The following ST6GALNAC3 variants were observed in gnomAD, a reference collection of about 807,000 sequenced individuals.
ST6GALNAC3 encodes alpha-N-acetylgalactosaminide alpha-2,6-sialyltransferase 3.
A neutral mutation model predicts 32.7 loss-of-function variants in ST6GALNAC3; 25 were observed. That is an observed-to-expected ratio of 0.76 (90% CI 0.56 to 1.07). The LOEUF (loss-of-function observed/expected upper bound fraction) is 1.07, where lower values mean the gene tolerates loss of function less well. Among genes scored for constraint, ST6GALNAC3 ranks in the 50% least tolerant of loss-of-function variants. The pLI, the probability that ST6GALNAC3 is intolerant of heterozygous loss-of-function variation, is 0.00. For synonymous variants in ST6GALNAC3, 129 were observed against 133.1 expected (o/e 0.97, Z 0.21); for missense variants, 355 against 382.4 (o/e 0.93, Z 0.60).
chr1:76,586,250 A>G (rs1318864516), intron 3 of ST6GALNAC3, among the ~76,000 whole-genome samples: 1 of 152,222 alleles, frequency 6.6e-6, no homozygotes, highest in Non-Finnish European at 1.5e-5. Flanking sequence ...TTGAAATTTA[A>G]TTACTGTGAT....
At chr1:76,496,986 A>G (rs1243310915) in intron 3 of ST6GALNAC3, among the ~76,000 whole-genome samples, 1 of 152,108 alleles carries the variant, frequency 6.6e-6, no homozygotes, top group Non-Finnish European at 1.5e-5. Context: ...GAAAGTTGAA[A>G]ATTTTGGTAT....
chr1:76,603,661 G>T (rs149834423), intron 3 of ST6GALNAC3, among the ~76,000 whole-genome samples: 4 of 152,136 alleles, frequency 2.6e-5, no homozygotes, highest in African/African-American at 9.7e-5. Flanking sequence ...TGCTCTGTCT[G>T]TTTTATTTAC....
intron 1 of ST6GALNAC3, among the ~76,000 whole-genome samples, chr1:76,158,071 A>C (rs987922057): frequency 6.6e-6 from 1 of 152,226 alleles, no homozygotes; most frequent in Non-Finnish European, 1.5e-5. Context: ...CCAGGAAGCC[A>C]TCTGATAAAT....
intron 2 of ST6GALNAC3, among the ~76,000 whole-genome samples, chr1:76,370,715 A>G (rs1329404709): frequency 6.6e-6 from 1 of 152,198 alleles, no homozygotes; most frequent in Non-Finnish European, 1.5e-5. Context: ...AATGTTTTAC[A>G]TAGAGAAACT....
intron 1 of ST6GALNAC3, among the ~76,000 whole-genome samples, chr1:76,276,735 A>G (rs1349872365): frequency 6.6e-6 from 1 of 152,172 alleles, no homozygotes; most frequent in East Asian, 1.9e-4. Context: ...GTTACTATAT[A>G]ATGCAAAATT....
intron 3 of ST6GALNAC3, among the ~76,000 whole-genome samples, chr1:76,427,076 T>A (rs1290486359): frequency 6.6e-6 from 1 of 152,116 alleles, no homozygotes; most frequent in African/African-American, 2.4e-5. Context: ...GAATCTCTGT[T>A]GCCAACTTCA....
intron 3 of ST6GALNAC3, among the ~76,000 whole-genome samples, chr1:76,435,674 T>A (rs1656089898): frequency 6.6e-6 from 1 of 152,112 alleles, no homozygotes; most frequent in African/African-American, 2.4e-5. Context: ...GTTTCTTTTT[T>A]CTTTCTGAAA....
At position 76,514,663 on chromosome 1, in the gene ST6GALNAC3, C is replaced by T. The variant is rs531222122; in HGVS notation, c.623+102246C>T. On this transcript the variant is annotated intron_variant, in intron 3 of 4. Coordinates refer to ENST00000328299, the MANE Select transcript of ST6GALNAC3 (RefSeq NM_152996.4). Reference sequence around the variant, plus strand: ...TTTGACTTTCCCTGCCATGTTGTGACGCAGCAAAAGCCCTTGCAAAAGCCA... The same window carrying T: ...TTTGACTTTCCCTGCCATGTTGTGATGCAGCAAAAGCCCTTGCAAAAGCCA... Among the ~76,000 whole-genome samples the T allele has an allele frequency of 1.2e-4, 18 of 152,262 alleles. No homozygotes were observed. The South Asian group carries it at 2.1e-3, about 18-fold the overall frequency.
chr1:76,542,881 A>G (rs1664075726), intron 3 of ST6GALNAC3, among the ~76,000 whole-genome samples: 1 of 152,146 alleles, frequency 6.6e-6, no homozygotes, highest in Non-Finnish European at 1.5e-5. Context: ...GAATGAGAGG[A>G]ATTGCTACCT....
chr1:76,299,276 T>C (rs750105504), intron 1 of ST6GALNAC3, among the ~76,000 whole-genome samples: 2 of 152,046 alleles, frequency 1.3e-5, no homozygotes, highest in Admixed American at 6.6e-5. Flanking sequence ...TTAAAGCAGA[T>C]GAACTGGGAA....
chr1:76,220,561 C>G (rs781163814), intron 1 of ST6GALNAC3, among the ~76,000 whole-genome samples: 3 of 152,150 alleles, frequency 2.0e-5, no homozygotes, highest in Non-Finnish European at 2.9e-5. Flanking sequence ...AACAAATAAT[C>G]AGGCCATTAT....
intron 1 of ST6GALNAC3, among the ~76,000 whole-genome samples, chr1:76,260,142 C>G (rs1658144007): frequency 2.0e-5 from 3 of 152,094 alleles, no homozygotes; most frequent in Non-Finnish European, 4.4e-5. Flanking sequence ...GGGGACCACT[C>G]TTCACATTTG....
chr1:76,512,776 A>G (rs72989926), intron 3 of ST6GALNAC3, among the ~76,000 whole-genome samples: 12,716 of 152,044 alleles, frequency 0.084, 1,490 homozygotes, highest in African/African-American at 0.26. Flanking sequence ...TGCTTCTATT[A>G]TATCAACTCT....
chr1:76,610,822 A>G (rs551121702), intron 3 of ST6GALNAC3, among the ~76,000 whole-genome samples: 52 of 152,288 alleles, frequency 3.4e-4, no homozygotes, highest in African/African-American at 1.2e-3. Context: ...GAAAACACAT[A>G]AAAATGGATA....
chr1:76,355,379 A>G (rs1570942148), intron 2 of ST6GALNAC3, among the ~76,000 whole-genome samples: 1 of 152,080 alleles, frequency 6.6e-6, no homozygotes, highest in Non-Finnish European at 1.5e-5. Flanking sequence ...TCTTTTTCTG[A>G]TATACTATCT....
At chr1:76,197,399 A>C (rs1654265020) in intron 1 of ST6GALNAC3, among the ~76,000 whole-genome samples, 1 of 151,856 alleles carries the variant, frequency 6.6e-6, no homozygotes, top group African/African-American at 2.4e-5. Flanking sequence ...CACTAAATCA[A>C]CAGGCAATTA....
At chr1:76,120,695 G>A (rs776171112) in intron 1 of ST6GALNAC3, among the ~76,000 whole-genome samples, 4 of 152,162 alleles carry the variant, frequency 2.6e-5, no homozygotes, top group Non-Finnish European at 5.9e-5. Context: ...CTCAAATCCA[G>A]CACGACCTAA....
At chr1:76,417,348 T>C (rs148020260) in intron 3 of ST6GALNAC3, among the ~76,000 whole-genome samples, 1 of 152,244 alleles carries the variant, frequency 6.6e-6, no homozygotes, top group African/African-American at 2.4e-5. Flanking sequence ...CCAGAAATCT[T>C]TGAAATTAAA....
At chr1:76,201,932 G>A (rs1452388892) in intron 1 of ST6GALNAC3, among the ~76,000 whole-genome samples, 1 of 152,150 alleles carries the variant, frequency 6.6e-6, no homozygotes, top group Non-Finnish European at 1.5e-5. Context: ...TATATTGGCA[G>A]ATGCATTAGT....
Sources: allele counts gnomAD v4.1 joint callset (sites outside exome capture counted in the v4.1 genomes callset), GRCh38; gene constraint gnomAD v4.1.1; transcripts MANE v1.5; gene names NCBI Gene and HGNC (gene_info 2026-07-23, HGNC 2026-07-21).